Variants in PALS2 observed in about 807,000 individuals in gnomAD.
The protein encoded by PALS2 is protein associated with LIN7 2, MAGUK p55 family member.
Under a neutral mutation model 61.6 loss-of-function variants are expected in PALS2, and 27 were observed. The ratio of observed to expected loss-of-function variants is 0.44; its 90% CI spans 0.32 to 0.60. The LOEUF (loss-of-function observed/expected upper bound fraction) is 0.60. PALS2 is among the 20% of genes least tolerant of loss of function. The probability of loss-of-function intolerance (pLI) is 0.05; values close to 1 mark genes in which losing one functional copy is unlikely to be tolerated. For missense variants in PALS2, 554 were observed against 639.4 expected, an observed-to-expected ratio of 0.87 and a Z score of 1.44; for synonymous variants, 236 against 218.6, an observed-to-expected ratio of 1.08 and a Z score of -0.70.
chr7:24,677,943 C>G (rs1787706473), intron 9 of PALS2, among the ~76,000 whole-genome samples: 1 of 152,106 alleles, frequency 6.6e-6, no homozygotes, highest in Admixed American at 6.5e-5. Flanking sequence ...TAAAAGTTTT[C>G]TATGTCTTAG....
At chr7:24,648,681 G>A (rs1404918817) in intron 3 of PALS2, among the ~76,000 whole-genome samples, 4 of 151,864 alleles carry the variant, frequency 2.6e-5, no homozygotes, top group South Asian at 2.1e-4. Context: ...CGAGGTGGGC[G>A]GATCATGAGG....
At chr7:24,593,112 C>A (rs1325445262) in intron 1 of PALS2, among the ~76,000 whole-genome samples, 1 of 152,092 alleles carries the variant, frequency 6.6e-6, no homozygotes, top group Non-Finnish European at 1.5e-5. Flanking sequence ...ATTCTAAATT[C>A]TTTGTTGTCA....
chr7:24,648,780 C>T (rs1255853233), intron 3 of PALS2, among the ~76,000 whole-genome samples: 1 of 151,768 alleles, frequency 6.6e-6, no homozygotes, highest in Non-Finnish European at 1.5e-5. Context: ...TGGCATGCGC[C>T]TGTAGTCCCA....
At chr7:24,665,977 T>C (rs756091731) in intron 7 of PALS2, 44 bp from the exon 8 acceptor site, 3 of 1,543,394 alleles carry the variant, frequency 1.9e-6, no homozygotes, top group African/African-American at 1.4e-5. Flanking sequence ...TTTTTTCATA[T>C]TCTGATATAC....
intron 1 of PALS2, among the ~76,000 whole-genome samples, chr7:24,582,252 A>G (rs1782872747): frequency 6.6e-6 from 1 of 152,232 alleles, no homozygotes; most frequent in South Asian, 2.1e-4. Flanking sequence ...ATCATCTTGT[A>G]TCAAATACAG....
chr7:24,672,196 CTGTTTTGTTTTGTTT>C (rs57538997), intron 9 of PALS2, among the ~76,000 whole-genome samples: 9,189 of 145,106 alleles, frequency 0.063, 383 homozygotes, highest in African/African-American at 0.11. Flanking sequence ...CTACTGCCAT[CTGTTTTGTTTTGTTT>C]TGTTTTGTTT....
At chr7:24,588,622 A>C (rs983897305) in intron 1 of PALS2, among the ~76,000 whole-genome samples, 1 of 152,204 alleles carries the variant, frequency 6.6e-6, no homozygotes, top group Non-Finnish European at 1.5e-5. Flanking sequence ...CCCTTAAGGG[A>C]AAAACTATCT....
chr7:24,630,390 G>T (rs1784947250), intron 2 of PALS2, among the ~76,000 whole-genome samples: 1 of 152,040 alleles, frequency 6.6e-6, no homozygotes, highest in Non-Finnish European at 1.5e-5. Flanking sequence ...TGTAGATGAT[G>T]GGTTGATGGG....
chr7:24,686,241 C>T (rs545040760), intron 11 of PALS2, among the ~76,000 whole-genome samples: 1 of 152,298 alleles, frequency 6.6e-6, no homozygotes, highest in Admixed American at 6.5e-5. Flanking sequence ...TTCATCTCCT[C>T]TGTCACCATC....
chr7:24,617,243 A>C (rs1404339309), intron 1 of PALS2, among the ~76,000 whole-genome samples: 3 of 152,036 alleles, frequency 2.0e-5, no homozygotes, highest in Non-Finnish European at 4.4e-5. Context: ...GTTTTCTAAT[A>C]TCTCTCTCTT....
At position 24,649,748 on chromosome 7, in the gene PALS2, G is replaced by A. The variant is rs1272691735; in HGVS notation, c.407G>A (p.Arg136Lys). 6.2e-7 allele frequency: 1 copy of A among 1,608,380 alleles called. No homozygotes were observed. Among genetic ancestry groups the A allele is most frequent in the Non-Finnish European group, 8.5e-7 (1 of 1,177,376 alleles). ...ATTCGTATTCTTGGTATTCACAAAA[G>A]AGCTGGGGAACCACTGGTGAGTACA... is the stretch of plus-strand genomic sequence containing the variant. The part of the protein sequence containing the change: ...DAIRILGIHK[R>K]AGEPLGVTFR... The change falls in exon 4 of 12, where the codon AGA becomes AAA. Residue 136 changes from arginine (R) to lysine (K), a missense_variant. Physicochemically the swap from Arg to Lys is conservative, Grantham distance 26. Coordinates refer to ENST00000222644, the MANE Select transcript of PALS2 (RefSeq NM_001303037.2).
chr7:24,678,621 T>C (rs1354585876), intron 9 of PALS2, among the ~76,000 whole-genome samples: 2 of 152,176 alleles, frequency 1.3e-5, no homozygotes, highest in Non-Finnish European at 2.9e-5. Context: ...AGAAAAGATG[T>C]AATAGATTCC....
chr7:24,638,304 C>T (rs1785338910), intron 2 of PALS2, among the ~76,000 whole-genome samples: 1 of 142,292 alleles, frequency 7.0e-6, no homozygotes, highest in African/African-American at 2.5e-5. Flanking sequence ...TTTTTTCTCC[C>T]TTCAATTTCT....
At position 24,668,634 on chromosome 7, in the gene PALS2, C is replaced by T; in HGVS notation, c.1088C>T (p.Pro363Leu). ...SLKNRFIVLN[P>L]TRFGTTVPFT... Reference sequence around the variant, plus strand: ...AAAAACAGGTTCATAGTATTGAATCCCACTAGATTTGGAACTACGGTGCCA... The same window carrying T: ...AAAAACAGGTTCATAGTATTGAATCTCACTAGATTTGGAACTACGGTGCCA... Residue 363 changes from proline to leucine, a missense_variant, in exon 9 of 12, where the codon CCC (proline) becomes CTC (leucine). Pro to Leu is a moderately conservative substitution (Grantham distance 98). Transcript: ENST00000222644. 6.2e-7 allele frequency: 1 copy of T among 1,613,784 alleles called. No homozygotes were observed. Among genetic ancestry groups the T allele is most frequent in the Non-Finnish European group, 8.5e-7 (1 of 1,179,872 alleles).
chr7:24,691,153 A>G lies in PALS2; in HGVS notation c.*3539A>G, dbSNP rs898453982. 5 of 151,984 alleles carry G rather than the reference A, an allele frequency of 3.3e-5. No individual in the cohort carries two copies. Among genetic ancestry groups the G allele is most frequent in the Admixed American group, 1.3e-4 (2 of 15,246 alleles). The allele number at this position is 151,984 out of a possible 1,614,324, so 9.4% of individuals were successfully genotyped here. ...GATAGCCATAGAGTTAGGTAAAATT[A>G]TTTTGAATTGGCAAACTAAAGATAA... On this transcript the variant is annotated 3_prime_UTR_variant, in exon 12 of 12. Coordinates refer to ENST00000222644, the MANE Select transcript of PALS2 (RefSeq NM_001303037.2).
At chr7:24,684,996 C>T (rs1362607479) in intron 11 of PALS2, among the ~76,000 whole-genome samples, 7 of 151,488 alleles carry the variant, frequency 4.6e-5, no homozygotes, top group Admixed American at 6.6e-5. Context: ...ACAGGATGTG[C>T]GGGTTTGTTA....
intron 2 of PALS2, among the ~76,000 whole-genome samples, chr7:24,635,371 A>T (rs941761863): frequency 2.0e-5 from 3 of 152,178 alleles, no homozygotes; most frequent in Non-Finnish European, 2.9e-5. Context: ...AGTGTATAGA[A>T]ATATAATTGA....
At chr7:24,683,475 G>A (rs1788037683) in intron 11 of PALS2, among the ~76,000 whole-genome samples, 1 of 150,962 alleles carries the variant, frequency 6.6e-6, no homozygotes, top group Admixed American at 6.6e-5. Flanking sequence ...TGCTAAGATT[G>A]TCCCATCATT....
chr7:24,614,034 G>T (rs1479187211), intron 1 of PALS2, among the ~76,000 whole-genome samples: 1 of 151,878 alleles, frequency 6.6e-6, no homozygotes. Flanking sequence ...TATGAATAGT[G>T]CTGCAGTAAA....
Sources: gnomAD v4.1 joint callset for allele counts (sites outside exome capture counted in the v4.1 genomes callset) on GRCh38, gnomAD v4.1.1 for gene constraint, MANE v1.5 for transcripts, NCBI Gene and HGNC (gene_info 2026-07-23, HGNC 2026-07-21) for gene names.